Variants in MT1A observed in about 807,000 individuals in gnomAD.
The protein encoded by MT1A is metallothionein-1A.
Under a neutral mutation model 5.5 loss-of-function variants are expected in MT1A, and 6 were observed. The observed-to-expected ratio is 1.09, with a 90% CI of 0.60 to 2.16. The LOEUF is 2.16. Ranked by LOEUF, MT1A falls within the 30% of genes most tolerant of loss-of-function variation. The probability of loss-of-function intolerance (pLI) is 0.00; values close to 1 mark genes in which losing one functional copy is unlikely to be tolerated. For synonymous variants in MT1A, 23 were observed against 24.8 expected, an observed-to-expected ratio of 0.93 and a Z score of 0.21; for missense variants, 69 against 73.4, an observed-to-expected ratio of 0.94 and a Z score of 0.22.
chr16:56,638,679 C>G lies in MT1A; in HGVS notation c.-60C>G. ...CTGCTGGGCCCTACCAAGCCTTCCA[C>G]GTGCGCCTTATAGCCTCTCAACTTC... On this transcript the variant is annotated 5_prime_UTR_variant, in exon 1 of 3. Transcript: ENST00000290705. 1 of 1,598,166 alleles carries G rather than the reference C, an allele frequency of 6.3e-7. No individual in the cohort carries two copies. The highest frequency in any genetic ancestry group is 2.2e-5 in the East Asian group (1 of 44,792).
At chr16:56,638,890 T>C (rs1960410285) in intron 1 of MT1A, 124 bp downstream of exon 1, 12 of 1,216,808 alleles carry the variant, frequency 9.9e-6, no homozygotes, top group Non-Finnish European at 1.2e-5. Context: ...ATTGATCTAG[T>C]GCTTTTCCAC....
chr16:56,638,770 A>T lies in MT1A; in HGVS notation c.28+4A>T. 1 of 1,614,064 alleles carries T rather than the reference A, an allele frequency of 6.2e-7. No individual in the cohort carries two copies. The highest frequency in any genetic ancestry group is 8.5e-7 in the Non-Finnish European group (1 of 1,179,978). ...CCCAACTGCTCCTGCGCCACTGGTA[A>T]GGGATGCTAGGTTTCTGGTCCTTAG... On this transcript the variant is annotated splice_donor_region_variant and intron_variant, in intron 1 of 2. Coordinates refer to ENST00000290705, the MANE Select transcript of MT1A (RefSeq NM_005946.3).
chr16:56,639,577 C>G (rs1960418205), intron 2 of MT1A, among the ~76,000 whole-genome samples: 1 of 152,248 alleles, frequency 6.6e-6, no homozygotes, highest in African/African-American at 2.4e-5. Flanking sequence ...CTTTCCTCCC[C>G]TAAGTGTGTG....
intron 2 of MT1A, 75 bp from the exon 3 acceptor site, chr16:56,639,784 G>A: frequency 6.3e-7 from 1 of 1,589,228 alleles, no homozygotes; most frequent in Non-Finnish European, 8.6e-7. Context: ...GACAGAGCTT[G>A]GGCCAGGCTT....
chr16:56,639,303 A>G lies in MT1A; in HGVS notation c.68A>G (p.Glu23Gly). The G allele has an allele frequency of 6.2e-7, 1 of 1,612,224 alleles. No individual in the cohort carries two copies. Among genetic ancestry groups the G allele is most frequent in the Non-Finnish European group, 8.5e-7 (1 of 1,178,692 alleles). The change falls in exon 2 of 3, where the codon GAG (glutamate) becomes GGG (glycine). Residue 23 changes from glutamate (E) to glycine (G), a missense_variant. Physicochemically the swap from Glu to Gly is moderately conservative, Grantham distance 98. Coordinates refer to ENST00000290705, the MANE Select transcript of MT1A (RefSeq NM_005946.3). ...CTCTGSCKCK[E>G]CKCTSCKKSC... ...TGCACTGGCTCCTGCAAATGCAAAG[A>G]GTGCAAATGCACCTCCTGCAAGAAG...
At chr16:56,639,753 T>C (rs1960420046) in intron 2 of MT1A, 106 bp from the exon 3 acceptor site, 2 of 1,448,232 alleles carry the variant, frequency 1.4e-6, no homozygotes, top group South Asian at 2.4e-5. Flanking sequence ...CATCCTGAAC[T>C]AAGTGTCCTC....
Position 56,639,970 on chromosome 16 carries a change from G to T in MT1A, c.*20G>T, listed in dbSNP as rs770704919. ...GCCTGATGTCCGGACAGCCCTGCTC[G>T]AAGATATAGAAAGAGTGACCTGCAC... On this transcript the variant is annotated 3_prime_UTR_variant, in exon 3 of 3. Transcript: ENST00000290705. 6.2e-7 allele frequency: 1 copy of T among 1,613,548 alleles called. No homozygotes were observed. Among genetic ancestry groups the T allele is most frequent in the Non-Finnish European group, 8.5e-7 (1 of 1,179,728 alleles).
chr16:56,639,165 T>C lies in MT1A; in HGVS notation c.29-99T>C. ...ATGGTGCCCTGAGTTGGACAGGAGC[T>C]ATCTATCAGGCCTGGCAATGCACTC... On this transcript the variant is annotated intron_variant, in intron 1 of 2. Coordinates refer to ENST00000290705, the MANE Select transcript of MT1A (RefSeq NM_005946.3). 2.9e-6 allele frequency: 4 copies of C among 1,360,332 alleles called. No individual in the cohort carries two copies. The South Asian group carries it at 4.7e-5, about 16-fold the overall frequency. The allele number at this position is 1,360,332 out of a possible 1,614,324, so 84.3% of individuals were successfully genotyped here.
At chr16:56,639,243 G>A in intron 1 of MT1A, 21 bp from the exon 2 acceptor site, 1 of 1,610,816 alleles carries the variant, frequency 6.2e-7, no homozygotes, top group Non-Finnish European at 8.5e-7. Flanking sequence ...AAAATTCACT[G>A]CCTTTTTCTC....
At chr16:56,639,533 C>CA (rs1960417842) in intron 2 of MT1A, among the ~76,000 whole-genome samples, 1 of 152,206 alleles carries the variant, frequency 6.6e-6, no homozygotes, top group African/African-American at 2.4e-5. Flanking sequence ...CAAGAGTGCA[C>CA]CAGCCTGCCA....
intron 2 of MT1A, 82 bp from the exon 3 acceptor site, chr16:56,639,777 A>C: frequency 6.3e-7 from 1 of 1,575,148 alleles, no homozygotes; most frequent in Non-Finnish European, 8.7e-7. Context: ...GGCTGGGGAC[A>C]GAGCTTGGGC....
intron 2 of MT1A, among the ~76,000 whole-genome samples, chr16:56,639,657 C>T (rs1440146034): frequency 1.3e-5 from 2 of 152,236 alleles, no homozygotes; most frequent in Admixed American, 1.3e-4. Flanking sequence ...TCTGCCAGGT[C>T]TGGGGCTCAG....
Position 56,638,718 on chromosome 16 carries a change from C to G in MT1A, c.-21C>G, listed in dbSNP as rs769061681. 28 of 1,614,012 alleles carry G rather than the reference C, an allele frequency of 1.7e-5. No individual in the cohort carries two copies. Among genetic ancestry groups the G allele is most frequent in the Non-Finnish European group, 2.2e-5 (26 of 1,180,004 alleles). The stretch of plus-strand genomic sequence containing the variant: ...CCTCTCAACTTCTTGCTTGGGATCT[C>G]CAACCTCACCGCGGCTCGAAATGGA... On this transcript the variant is annotated 5_prime_UTR_variant, in exon 1 of 3. Coordinates refer to ENST00000290705, the MANE Select transcript of MT1A (RefSeq NM_005946.3).
At position 56,638,692 on chromosome 16, in the gene MT1A, G is replaced by T. The variant is rs1207872236; in HGVS notation, c.-47G>T. On this transcript the variant is annotated 5_prime_UTR_variant, in exon 1 of 3. Transcript: ENST00000290705. ...CCAAGCCTTCCACGTGCGCCTTATAGCCTCTCAACTTCTTGCTTGGGATCT... is the reference window on the plus strand; with the variant it reads ...CCAAGCCTTCCACGTGCGCCTTATATCCTCTCAACTTCTTGCTTGGGATCT... 6.2e-7 allele frequency: 1 copy of T among 1,612,148 alleles called. No individual in the cohort carries two copies. Among genetic ancestry groups the T allele is most frequent in the East Asian group, 2.2e-5 (1 of 44,860 alleles).
In MT1A at chr16:56,640,029, C is replaced by G; in HGVS notation, c.*79C>G. On this transcript the variant is annotated 3_prime_UTR_variant, in exon 3 of 3. Coordinates refer to ENST00000290705, the MANE Select transcript of MT1A (RefSeq NM_005946.3). ...AATTTTTTTTCCATACAACCCTGAC[C>G]CATTTACTGTATTTTTTTTAATGAA... 2 of 1,521,802 alleles carry G rather than the reference C, an allele frequency of 1.3e-6. No individual in the cohort carries two copies. The highest frequency in any genetic ancestry group is 1.8e-6 in the Non-Finnish European group (2 of 1,123,628). The allele number at this position is 1,521,802 out of a possible 1,614,324, so 94.3% of individuals were successfully genotyped here.
At chr16:56,638,884 A>G in intron 1 of MT1A, 118 bp downstream of exon 1, 1 of 1,253,484 alleles carries the variant, frequency 8.0e-7, no homozygotes, top group Non-Finnish European at 1.2e-6. Flanking sequence ...TATTTCATTG[A>G]TCTAGTGCTT....
intron 2 of MT1A, among the ~76,000 whole-genome samples, 179 bp from the exon 3 acceptor site, chr16:56,639,680 T>C (rs1373047501): frequency 6.6e-6 from 1 of 152,170 alleles, no homozygotes; most frequent in Middle Eastern, 3.2e-3. Context: ...GGAGATAAGC[T>C]TTTCACAGAA....
Position 56,639,912 on chromosome 16 carries a change from T to C in MT1A, c.148T>C (p.Cys50Arg), listed in dbSNP as rs1225770081. 1 of 1,614,218 alleles carries C rather than the reference T, an allele frequency of 6.2e-7. No homozygotes were observed. Among genetic ancestry groups the C allele is most frequent in the Non-Finnish European group, 8.5e-7 (1 of 1,180,038 alleles). ...TGCCAAGTGTGCCCAGGGCTGCATC[T>C]GCAAAGGGGCATCAGAGAAGTGCAG... The part of the protein sequence containing the change: ...SCAKCAQGCI[C>R]KGASEKCSCC... The change falls in exon 3 of 3, where the codon TGC becomes CGC. Residue 50 changes from cysteine (C) to arginine (R), a missense_variant. Cys to Arg is a radical substitution (Grantham distance 180). Coordinates refer to ENST00000290705, the MANE Select transcript of MT1A (RefSeq NM_005946.3).
At chr16:56,639,006 C>A (rs1234594963) in intron 1 of MT1A, among the ~76,000 whole-genome samples, 3 of 152,088 alleles carry the variant, frequency 2.0e-5, no homozygotes, top group African/African-American at 7.2e-5. Flanking sequence ...CCCAGGTAGT[C>A]GGGGACTGCT....
Sources: gnomAD v4.1 joint callset for allele counts (sites outside exome capture counted in the v4.1 genomes callset) on GRCh38, gnomAD v4.1.1 for gene constraint, MANE v1.5 for transcripts, NCBI Gene and HGNC (gene_info 2026-07-23, HGNC 2026-07-21) for gene names.